BBS9: variants seen among roughly 807,000 people sequenced by gnomAD.
The protein encoded by BBS9 is protein PTHB1.
BBS9 carries 89 observed loss-of-function variants against 117.7 expected under a neutral mutation model. The observed-to-expected ratio is 0.76, with a 90% CI of 0.64 to 0.90. The LOEUF (loss-of-function observed/expected upper bound fraction) is 0.90. Ranked by LOEUF, BBS9 falls within the 40% of genes least tolerant of loss-of-function variation. The probability of loss-of-function intolerance (pLI) is 0.00; values close to 1 mark genes in which losing one functional copy is unlikely to be tolerated. For synonymous variants in BBS9, 379 were observed against 370.9 expected, an observed-to-expected ratio of 1.02 and a Z score of -0.25; for missense variants, 982 against 1,042.2, an observed-to-expected ratio of 0.94 and a Z score of 0.80.
intron 16 of BBS9, among the ~76,000 whole-genome samples, chr7:33,365,934 C>T (rs959991401): frequency 1.3e-5 from 2 of 152,190 alleles, no homozygotes; most frequent in African/African-American, 4.8e-5. Context: ...AGCTGTAGGA[C>T]CTCGGGTGTG....
chr7:33,260,961 A>G (rs893567839), intron 6 of BBS9, among the ~76,000 whole-genome samples: 1 of 152,202 alleles, frequency 6.6e-6, no homozygotes, highest in African/African-American at 2.4e-5. Flanking sequence ...TTTCTGTTGA[A>G]TTTAATTGAC....
intron 9 of BBS9, among the ~76,000 whole-genome samples, chr7:33,313,771 G>C (rs1399244465): frequency 6.6e-6 from 1 of 152,116 alleles, no homozygotes; most frequent in Non-Finnish European, 1.5e-5. Flanking sequence ...AAGTAATCCA[G>C]CTCTTGATTA....
intron 5 of BBS9, among the ~76,000 whole-genome samples, chr7:33,216,193 T>TA (rs1443369280): frequency 6.6e-6 from 1 of 152,240 alleles, no homozygotes; most frequent in Non-Finnish European, 1.5e-5. Context: ...ATGTACATAC[T>TA]ATTCTTTTGG....
intron 19 of BBS9, among the ~76,000 whole-genome samples, chr7:33,406,523 C>T (rs538001074): frequency 1.3e-5 from 2 of 151,808 alleles, no homozygotes; most frequent in Admixed American, 6.6e-5. Flanking sequence ...CAGTTTCTTC[C>T]TAGTCTCGAT....
intron 19 of BBS9, among the ~76,000 whole-genome samples, chr7:33,494,919 G>A (rs1441167642): frequency 6.6e-6 from 1 of 152,102 alleles, no homozygotes; most frequent in Non-Finnish European, 1.5e-5. Flanking sequence ...GTGAAACCAG[G>A]CAGCTCTCCT....
At chr7:33,329,490 TTTA>T (rs1355406233) in intron 9 of BBS9, among the ~76,000 whole-genome samples, 1 of 152,186 alleles carries the variant, frequency 6.6e-6, no homozygotes, top group Non-Finnish European at 1.5e-5. Context: ...TACTTTTACA[TTTA>T]TTATTTTTTC....
intron 19 of BBS9, among the ~76,000 whole-genome samples, chr7:33,434,795 T>C (rs1835057354): frequency 6.6e-6 from 1 of 152,208 alleles, no homozygotes; most frequent in East Asian, 1.9e-4. Context: ...CTCATATGCT[T>C]ATTTGCATCT....
chr7:33,240,812 G>GT (rs1328287098), intron 5 of BBS9, among the ~76,000 whole-genome samples: 2 of 151,982 alleles, frequency 1.3e-5, no homozygotes, highest in Non-Finnish European at 2.9e-5. Context: ...ACCTGTATTA[G>GT]TTTTTTGGTT....
intron 4 of BBS9, among the ~76,000 whole-genome samples, chr7:33,166,512 G>A (rs6953313): frequency 0.16 from 24,044 of 152,314 alleles, 2,080 homozygotes; most frequent in South Asian, 0.21. Context: ...GGTGGGCTCC[G>A]CCAAGTTTGA....
At chr7:33,134,979 GCCTT>G (rs1790242211) in intron 1 of BBS9, among the ~76,000 whole-genome samples, 3 of 152,012 alleles carry the variant, frequency 2.0e-5, no homozygotes, top group Non-Finnish European at 4.4e-5. Flanking sequence ...TGTAGCCTCA[GCCTT>G]CCAGTGTCAA....
chr7:33,299,049 G>A (rs1805839695), intron 9 of BBS9, among the ~76,000 whole-genome samples: 1 of 152,170 alleles, frequency 6.6e-6, no homozygotes, highest in South Asian at 2.1e-4. Context: ...GTTTAGTGCT[G>A]CCAAATATAT....
At chr7:33,578,038 A>G (rs1048844043) in intron 21 of BBS9, among the ~76,000 whole-genome samples, 16 of 152,316 alleles carry the variant, frequency 1.1e-4, no homozygotes, top group African/African-American at 3.6e-4. Flanking sequence ...GTACCCTAGA[A>G]CTTAAAGTAT....
chr7:33,567,037 G>A (rs1857028762), intron 21 of BBS9, among the ~76,000 whole-genome samples: 1 of 152,134 alleles, frequency 6.6e-6, no homozygotes, highest in Non-Finnish European at 1.5e-5. Context: ...ATGATGATGG[G>A]GTTCTGTTCG....
Position 33,130,449 on chromosome 7 carries a change from G to A in BBS9, c.-12+408G>A, listed in dbSNP as rs981967183. 3.9e-5 allele frequency among the ~76,000 whole-genome samples: 6 copies of A among 152,130 alleles called. 1 individual carries two copies. Among genetic ancestry groups the A allele is most frequent in the Non-Finnish European group, 8.8e-5 (6 of 68,036 alleles). ...TTGGAGACCACAACAGTTTAGATGA[G>A]CTGCGCTGATTTTATCAGCACCTCC... On this transcript the variant is annotated intron_variant, in intron 1 of 22. Transcript: ENST00000242067.
chr7:33,340,956 A>G lies in BBS9; in HGVS notation c.1258A>G (p.Asn420Asp), dbSNP rs1436119227. The change falls in exon 11 of 23, where the codon AAC (asparagine) becomes GAC (aspartate). Residue 420 changes from asparagine to aspartate, a missense_variant. By Grantham distance (23) the Asn-to-Asp change is conservative. Transcript: ENST00000242067. ...DLNVSVVVSP[N>D]FDSVSQATDV... ...GAACGTTTCTGTCGTGGTTTCTCCT[A>G]ACTTTGATTCAGTTTCTGTAGGTGT... 6.2e-7 allele frequency: 1 copy of G among 1,613,456 alleles called. No individual in the cohort carries two copies. The highest frequency in any genetic ancestry group is 2.2e-5 in the East Asian group (1 of 44,856).
intron 21 of BBS9, among the ~76,000 whole-genome samples, chr7:33,597,021 A>G (rs1018002492): frequency 2.6e-5 from 4 of 151,438 alleles, no homozygotes; most frequent in East Asian, 3.9e-4. Flanking sequence ...ATACATGTCT[A>G]TGTACCTATG....
chr7:33,222,507 C>T (rs1394305285), intron 5 of BBS9, among the ~76,000 whole-genome samples: 5 of 152,144 alleles, frequency 3.3e-5, no homozygotes, highest in African/African-American at 9.7e-5. Context: ...TTCTCATGTG[C>T]ATTACTGAAA....
At chr7:33,291,582 G>A (rs940391741) in intron 9 of BBS9, among the ~76,000 whole-genome samples, 7 of 152,114 alleles carry the variant, frequency 4.6e-5, no homozygotes, top group Non-Finnish European at 1.0e-4. Flanking sequence ...TTTACGTTTA[G>A]AATATTAAAA....
At chr7:33,516,320 C>A (rs1378987339) in intron 20 of BBS9, among the ~76,000 whole-genome samples, 2 of 151,674 alleles carry the variant, frequency 1.3e-5, no homozygotes, top group Admixed American at 6.6e-5. Context: ...GAAACCCCAT[C>A]TTTACTAAAA....
Sources: gnomAD v4.1 joint callset for allele counts (sites outside exome capture counted in the v4.1 genomes callset) on GRCh38, gnomAD v4.1.1 for gene constraint, MANE v1.5 for transcripts, NCBI Gene and HGNC (gene_info 2026-07-23, HGNC 2026-07-21) for gene names.